The following KIF13B variants were observed in gnomAD, a reference collection of about 807,000 sequenced individuals.
KIF13B encodes the protein kinesin family member 13B.
A neutral mutation model predicts 222.0 loss-of-function variants in KIF13B; 127 were observed. The observed-to-expected ratio is 0.57, with a 90% CI of 0.50 to 0.66. KIF13B has a LOEUF of 0.66. Among genes scored for constraint, KIF13B ranks in the 30% least tolerant of loss-of-function variants. The pLI is 0.00. For missense variants in KIF13B, 2,173 were observed against 2,379.0 expected (o/e 0.91, Z 1.80); for synonymous variants, 976 against 919.0 (o/e 1.06, Z -1.12).
At chr8:29,155,950 C>T in intron 13 of KIF13B, 94 bp from the exon 14 acceptor site, 1 of 1,010,322 alleles carries the variant, frequency 9.9e-7, no homozygotes, top group Non-Finnish European at 1.5e-6. Flanking sequence ...TGTCCTATTA[C>T]CTTTGCGAAA....
At chr8:29,186,119 A>G (rs963877006) in intron 6 of KIF13B, among the ~76,000 whole-genome samples, 173 bp downstream of exon 6, 8 of 152,204 alleles carry the variant, frequency 5.3e-5, no homozygotes, top group Non-Finnish European at 1.2e-4. Flanking sequence ...ACAAACAAAC[A>G]AACTCTTGAG....
intron 2 of KIF13B, among the ~76,000 whole-genome samples, chr8:29,210,461 G>A (rs1814169047): frequency 6.6e-6 from 1 of 152,108 alleles, no homozygotes. Context: ...CACACCCTAC[G>A]TCTCCTTCCA....
At chr8:29,140,667 A>C (rs1810777675) in intron 19 of KIF13B, 50 bp from the exon 20 acceptor site, 1 of 1,539,216 alleles carries the variant, frequency 6.5e-7, no homozygotes, top group Admixed American at 1.8e-5. Context: ...TTTACAATAA[A>C]TGCATTCAAC....
intron 24 of KIF13B, among the ~76,000 whole-genome samples, chr8:29,128,614 G>A (rs1394680456): frequency 6.6e-6 from 1 of 152,186 alleles, no homozygotes; most frequent in Non-Finnish European, 1.5e-5. Context: ...TTTCCGAAGT[G>A]ATCTATTGTG....
chr8:29,087,519 A>T (rs1291953344), intron 37 of KIF13B, among the ~76,000 whole-genome samples: 2 of 152,240 alleles, frequency 1.3e-5, no homozygotes, highest in Non-Finnish European at 2.9e-5. Context: ...AATAAAAGAG[A>T]AGTAGTACAG....
intron 38 of KIF13B, among the ~76,000 whole-genome samples, chr8:29,073,213 G>A (rs1168912213): frequency 1.3e-5 from 2 of 151,806 alleles, no homozygotes; most frequent in African/African-American, 4.8e-5. Flanking sequence ...TCTCTCCAAG[G>A]CTGCTGCTCT....
intron 32 of KIF13B, among the ~76,000 whole-genome samples, chr8:29,110,969 A>C (rs1257411370): frequency 1.3e-5 from 2 of 152,236 alleles, no homozygotes; most frequent in African/African-American, 4.8e-5. Context: ...AGGGGAAAAC[A>C]AACTCTGTTA....
At chr8:29,137,320 T>A (rs1379359911) in intron 21 of KIF13B, among the ~76,000 whole-genome samples, 1 of 152,114 alleles carries the variant, frequency 6.6e-6, no homozygotes, top group East Asian at 1.9e-4. Context: ...ACACAGGCTG[T>A]TTGGGTTTTG....
At chr8:29,118,003 C>T (rs1480087129) in intron 30 of KIF13B, among the ~76,000 whole-genome samples, 2 of 148,858 alleles carry the variant, frequency 1.3e-5, no homozygotes, top group African/African-American at 2.5e-5. Context: ...ACTAAAAATA[C>T]AAAAATTAGC....
At chr8:29,241,776 C>G (rs1272941969) in intron 2 of KIF13B, among the ~76,000 whole-genome samples, 1 of 149,922 alleles carries the variant, frequency 6.7e-6, no homozygotes, top group African/African-American at 2.4e-5. Flanking sequence ...AATGATTATT[C>G]ATTTTATTCA....
At chr8:29,126,709 GCA>G (rs984724889) in intron 25 of KIF13B, among the ~76,000 whole-genome samples, 198 bp from the exon 26 acceptor site, 19 of 152,156 alleles carry the variant, frequency 1.2e-4, no homozygotes, top group Non-Finnish European at 1.0e-4. Flanking sequence ...GAAGAGTGAA[GCA>G]CACTCATTTG....
rs1320840569 is a variant in KIF13B, at chr8:29,072,062, C to T, written c.4776G>A (p.Pro1592=). ...CCTCAGGGGCGGTGGGCATGGACCC[C>T]GGCGGGGCCGCAGCGTCCAGGCCGG... is the stretch of plus-strand genomic sequence containing the variant. ...LGPGLDAAAP[P]GSMPTAPEAE... Residue 1592 remains proline (P), a synonymous_variant, in exon 39 of 40, where the codon CCG becomes CCA. Transcript: ENST00000524189. The T allele has an allele frequency of 2.3e-6, 3 of 1,307,516 alleles. No individual in the cohort carries two copies. Among genetic ancestry groups the T allele is most frequent in the East Asian group, 3.1e-5 (1 of 31,850 alleles). The allele number at this position is 1,307,516 out of a possible 1,614,324, so 81.0% of individuals were successfully genotyped here. A position where few individuals can be genotyped will look rare whatever the true frequency, so the allele number is the denominator to read the frequency against.
At chr8:29,150,956 T>C (rs898713820) in intron 14 of KIF13B, among the ~76,000 whole-genome samples, 1 of 151,982 alleles carries the variant, frequency 6.6e-6, no homozygotes, top group Non-Finnish European at 1.5e-5. Flanking sequence ...TGGAAATAAT[T>C]AAGCTCAGTG....
chr8:29,156,050 C>T (rs1811510811), intron 13 of KIF13B, among the ~76,000 whole-genome samples, 194 bp from the exon 14 acceptor site: 2 of 152,138 alleles, frequency 1.3e-5, no homozygotes, highest in South Asian at 4.1e-4. Flanking sequence ...CTCACTGCAA[C>T]CTCCGCCTCC....
chr8:29,152,752 T>C (rs1377357354), intron 14 of KIF13B, among the ~76,000 whole-genome samples: 1 of 152,134 alleles, frequency 6.6e-6, no homozygotes, highest in Non-Finnish European at 1.5e-5. Flanking sequence ...GCTGGGATTA[T>C]TGGCTAGTAG....
chr8:29,247,977 A>G (rs79504439), intron 1 of KIF13B, among the ~76,000 whole-genome samples: 1,688 of 152,308 alleles, frequency 0.011, 41 homozygotes, highest in African/African-American at 0.039. Flanking sequence ...ATTGGAATGC[A>G]AATCAAAACC....
intron 10 of KIF13B, among the ~76,000 whole-genome samples, chr8:29,169,389 G>A (rs1342950118): frequency 2.6e-5 from 4 of 152,168 alleles, no homozygotes; most frequent in African/African-American, 9.7e-5. Flanking sequence ...CTCCCCCACA[G>A]CTGCCCACAA....
chr8:29,126,994 G>C, intron 25 of KIF13B, 128 bp downstream of exon 25: 2 of 864,940 alleles, frequency 2.3e-6, no homozygotes, highest in Non-Finnish European at 3.5e-6. Context: ...CACAAAAAAA[G>C]ACAGCAAAGG....
intron 10 of KIF13B, among the ~76,000 whole-genome samples, chr8:29,168,766 G>C (rs1046777746): frequency 6.6e-6 from 1 of 152,168 alleles, no homozygotes; most frequent in Non-Finnish European, 1.5e-5. Context: ...TTACATCCAT[G>C]TGAAACAACC....
Sources: allele counts gnomAD v4.1 joint callset (sites outside exome capture counted in the v4.1 genomes callset), GRCh38; gene constraint gnomAD v4.1.1; transcripts MANE v1.5; gene names NCBI Gene and HGNC (gene_info 2026-07-23, HGNC 2026-07-21).